Variants in ITGA11 observed in about 807,000 individuals in gnomAD.
ITGA11 encodes the protein integrin subunit alpha 11, also known as integrin alpha-11.
A neutral mutation model predicts 141.9 loss-of-function variants in ITGA11; 97 were observed. That is an observed-to-expected ratio of 0.68 (90% CI 0.58 to 0.81). ITGA11 has a LOEUF of 0.81. Ranked by LOEUF, ITGA11 falls within the 30% of genes least tolerant of loss-of-function variation. ITGA11 has a pLI of 0.00. For missense variants in ITGA11, 1,387 were observed against 1,559.2 expected (o/e 0.89, Z 1.86); for synonymous variants, 658 against 624.6 (o/e 1.05, Z -0.80).
At chr15:68,423,265 A>G (rs563218965) in intron 1 of ITGA11, among the ~76,000 whole-genome samples, 1 of 152,216 alleles carries the variant, frequency 6.6e-6, no homozygotes, top group East Asian at 1.9e-4. Flanking sequence ...CGGGGGAAGT[A>G]CAGGACACCT....
chr15:68,428,879 C>T (rs569718660), intron 1 of ITGA11, among the ~76,000 whole-genome samples: 2 of 152,260 alleles, frequency 1.3e-5, no homozygotes, highest in Admixed American at 1.3e-4. Context: ...AAACAACAAC[C>T]CTGAGTTCTT....
chr15:68,324,316 A>G lies in ITGA11; in HGVS notation c.2322+815T>C, dbSNP rs1017205711. Reference sequence around the variant, plus strand: ...AAGAAATGCAGGTAAGAACTTGAATAATTCTGAAACTGCTTCCTGGCTGGA... The same window carrying G: ...AAGAAATGCAGGTAAGAACTTGAATGATTCTGAAACTGCTTCCTGGCTGGA... On this transcript the variant is annotated intron_variant, in intron 18 of 29. Coordinates refer to ENST00000315757, the MANE Select transcript of ITGA11 (RefSeq NM_001004439.2). This position sits in a 1 kb window ranked among gnomAD's most constrained non-coding sequence, Gnocchi z 6.3. Among the ~76,000 whole-genome samples, 3 of 152,124 alleles carry G rather than the reference A, an allele frequency of 2.0e-5. No individual in the cohort carries two copies. The highest frequency in any genetic ancestry group is 4.4e-5 in the Non-Finnish European group (3 of 68,020).
Position 68,303,013 on chromosome 15 carries a change from G to A in ITGA11, c.*46C>T. 1 of 1,467,906 alleles carries A rather than the reference G, an allele frequency of 6.8e-7. No homozygotes were observed. Among genetic ancestry groups the A allele is most frequent in the Middle Eastern group, 2.4e-4 (1 of 4,204 alleles). 90.9% of individuals were successfully genotyped at this position (1,467,906 alleles called of 1,614,324 possible). On this transcript the variant is annotated 3_prime_UTR_variant, in exon 30 of 30. Coordinates refer to ENST00000315757, the MANE Select transcript of ITGA11 (RefSeq NM_001004439.2). This position sits in a 1 kb window ranked among gnomAD's most constrained non-coding sequence, Gnocchi z 5.3. ...ACAGGCCTGGGTCTCAACACTACCT[G>A]GACTGGTGTCCTGGCCCCCATCAAC...
rs1894256105 is a variant in ITGA11, at chr15:68,333,773, ACT to A, written c.1426-1297_1426-1296del. 6.6e-6 allele frequency among the ~76,000 whole-genome samples: 1 copy of A among 151,252 alleles called. No homozygotes were observed. Among genetic ancestry groups the A allele is most frequent in the African/African-American group, 2.4e-5 (1 of 41,058 alleles). ...CTCTTGCTTTTGGGATAGTATCTAAACTCTCTAGCAGGACCGTGCTGGACCAG... is the reference window on the plus strand; with the variant it reads ...CTCTTGCTTTTGGGATAGTATCTAAACTCTAGCAGGACCGTGCTGGACCAG... On this transcript the variant is annotated intron_variant, in intron 12 of 29. Transcript: ENST00000315757. This position sits in a 1 kb window ranked among gnomAD's most constrained non-coding sequence, Gnocchi z 4.2.
chr15:68,343,167 T>C (rs1330489911), intron 10 of ITGA11, among the ~76,000 whole-genome samples: 1 of 152,204 alleles, frequency 6.6e-6, no homozygotes, highest in Admixed American at 6.5e-5. Context: ...TGAATCCATC[T>C]GTAAGCATCT....
chr15:68,313,646 T>C, intron 23 of ITGA11, 133 bp downstream of exon 23: 1 of 670,166 alleles, frequency 1.5e-6, no homozygotes, highest in South Asian at 1.8e-5. Flanking sequence ...AGGGACACTC[T>C]TGGCTCCATC....
rs989857421 is a variant in ITGA11, at chr15:68,307,788, G to A, written c.3175-92C>T. The A allele has an allele frequency of 3.7e-6, 3 of 803,870 alleles. No individual in the cohort carries two copies. Among genetic ancestry groups the A allele is most frequent in the African/African-American group, 1.7e-5 (1 of 58,404 alleles). 49.8% of individuals were successfully genotyped at this position (803,870 alleles called of 1,614,324 possible). On this transcript the variant is annotated intron_variant, in intron 26 of 29. Coordinates refer to ENST00000315757, the MANE Select transcript of ITGA11 (RefSeq NM_001004439.2). This position sits in a 1 kb window ranked among gnomAD's most constrained non-coding sequence, Gnocchi z 6.1. Reference sequence around the variant, plus strand: ...TTGAACGACTGGGGCTCTGCTCCTGGGGGCAGGGGCAGAGGACAGGGGACA... The same window carrying A: ...TTGAACGACTGGGGCTCTGCTCCTGAGGGCAGGGGCAGAGGACAGGGGACA...
At chr15:68,316,306 C>A (rs1030885456) in intron 21 of ITGA11, among the ~76,000 whole-genome samples, 20 of 152,260 alleles carry the variant, frequency 1.3e-4, no homozygotes, top group Non-Finnish European at 2.8e-4. Flanking sequence ...CTCCCCTTGC[C>A]CTTCGCCCCG....
intron 2 of ITGA11, among the ~76,000 whole-genome samples, chr15:68,377,881 C>T (rs894602072): frequency 3.3e-5 from 5 of 152,172 alleles, no homozygotes; most frequent in Admixed American, 3.3e-4. Context: ...GTCAAGGGGA[C>T]AGGACACCTG....
chr15:68,351,096 A>C (rs1894896828), intron 8 of ITGA11, among the ~76,000 whole-genome samples, 162 bp downstream of exon 8: 1 of 152,168 alleles, frequency 6.6e-6, no homozygotes. Flanking sequence ...AGAGCAGTGC[A>C]GAAAGATCCT....
At chr15:68,364,683 C>T in intron 4 of ITGA11, 24 bp downstream of exon 4, 1 of 1,584,536 alleles carries the variant, frequency 6.3e-7, no homozygotes, top group Non-Finnish European at 8.7e-7. Flanking sequence ...CTCCTGACCC[C>T]AAGCAGTGGC....
intron 1 of ITGA11, among the ~76,000 whole-genome samples, chr15:68,409,828 C>T (rs187773097): frequency 1.4e-3 from 206 of 152,290 alleles, no homozygotes; most frequent in African/African-American, 4.8e-3. Context: ...CAGCAACTGG[C>T]CAAGGTCATA....
intron 9 of ITGA11, 80 bp downstream of exon 9, chr15:68,350,537 G>T: frequency 2.9e-6 from 4 of 1,365,718 alleles, no homozygotes; most frequent in Non-Finnish European, 4.0e-6. Context: ...TTCGTTTTGT[G>T]GGATTGGTTT....
intron 2 of ITGA11, among the ~76,000 whole-genome samples, chr15:68,383,987 T>A (rs1213639747): frequency 6.6e-6 from 1 of 152,162 alleles, no homozygotes; most frequent in East Asian, 1.9e-4. Context: ...TTTATTTTCT[T>A]TCTTGGAAGT....
intron 7 of ITGA11, among the ~76,000 whole-genome samples, chr15:68,356,514 C>T (rs916650971): frequency 2.6e-5 from 4 of 152,126 alleles, no homozygotes; most frequent in African/African-American, 9.7e-5. Context: ...ATAAGAAGAC[C>T]CCATCCTCAC....
chr15:68,344,894 G>A (rs1394055148), intron 10 of ITGA11, among the ~76,000 whole-genome samples: 3 of 152,158 alleles, frequency 2.0e-5, no homozygotes, highest in Non-Finnish European at 4.4e-5. Context: ...TTTGGAGTTA[G>A]GGCAGATTTA....
At chr15:68,371,084 G>A (rs1003205991) in intron 2 of ITGA11, among the ~76,000 whole-genome samples, 14 of 152,172 alleles carry the variant, frequency 9.2e-5, no homozygotes, top group African/African-American at 2.7e-4. Flanking sequence ...TATTAAGCCC[G>A]CCTATTTTTG....
At chr15:68,314,402 G>T (rs77979747) in intron 22 of ITGA11, among the ~76,000 whole-genome samples, 1 of 152,152 alleles carries the variant, frequency 6.6e-6, no homozygotes, top group Non-Finnish European at 1.5e-5. Context: ...TTCCGGGGGG[G>T]TTCTGTCCAG....
chr15:68,350,702 A>T lies in ITGA11; in HGVS notation c.975T>A (p.Asp325Glu), dbSNP rs766990275. Residue 325 changes from aspartate to glutamate, a missense_variant, in exon 9 of 30, where the codon GAT becomes GAA. Coordinates refer to ENST00000315757, the MANE Select transcript of ITGA11 (RefSeq NM_001004439.2). ...CAGTGACATTGAAGAAGTGCTTGTC[A>T]TCAGGGTCACTGGCGATGTATTTGA... The part of the protein sequence containing the change: ...NEIKYIASDP[D>E]DKHFFNVTDE... The T allele has an allele frequency of 6.2e-7, 1 of 1,613,958 alleles. No homozygotes were observed. Among genetic ancestry groups the T allele is most frequent in the Admixed American group, 1.7e-5 (1 of 60,028 alleles).
Sources: allele counts gnomAD v4.1 joint callset (sites outside exome capture counted in the v4.1 genomes callset), GRCh38; gene constraint gnomAD v4.1.1; non-coding constraint Gnocchi (gnomAD v3.1); transcripts MANE v1.5; gene names NCBI Gene and HGNC (gene_info 2026-07-23, HGNC 2026-07-21).